The following WNT9B variants were observed in gnomAD, a reference collection of about 807,000 sequenced individuals.
The protein encoded by WNT9B is protein Wnt-9b.
WNT9B carries 12 observed loss-of-function variants against 30.2 expected under a neutral mutation model. The observed-to-expected ratio is 0.40, with a 90% confidence interval of 0.26 to 0.64. WNT9B has a LOEUF of 0.64. Ranked by LOEUF, WNT9B falls within the 30% of genes least tolerant of loss-of-function variation. WNT9B has a pLI of 0.42. For synonymous variants in WNT9B, 218 were observed against 216.9 expected, an observed-to-expected ratio of 1.01 and a Z score of -0.05; for missense variants, 442 against 485.2, an observed-to-expected ratio of 0.91 and a Z score of 0.84.
intron 1 of WNT9B, among the ~76,000 whole-genome samples, chr17:46,861,567 G>A (rs1177315577): frequency 6.6e-6 from 1 of 152,164 alleles, no homozygotes; most frequent in Non-Finnish European, 1.5e-5. Flanking sequence ...AGAGAGCAGA[G>A]ACTTATCCCC....
intron 1 of WNT9B, among the ~76,000 whole-genome samples, chr17:46,868,465 A>G (rs2085179580): frequency 6.6e-6 from 1 of 152,108 alleles, no homozygotes; most frequent in Non-Finnish European, 1.5e-5. Flanking sequence ...GCGTGGTGGC[A>G]CGTGCCCATA....
At chr17:46,866,217 C>T (rs12449290) in intron 1 of WNT9B, among the ~76,000 whole-genome samples, 1,842 of 152,176 alleles carry the variant, frequency 0.012, 33 homozygotes, top group African/African-American at 0.041. Flanking sequence ...TGGTGTTGAG[C>T]AGCCACCCTC....
At chr17:46,884,680 G>A (rs541995337), downstream of WNT9B, among the ~76,000 whole-genome samples, 41 of 152,270 alleles carry the variant, frequency 2.7e-4, no homozygotes, top group Admixed American at 7.8e-4. Flanking sequence ...TTATGACAAC[G>A]CTCCAAGTTG....
At chr17:46,882,484 G>A (rs2085436110), downstream of WNT9B, among the ~76,000 whole-genome samples, 2 of 152,160 alleles carry the variant, frequency 1.3e-5, no homozygotes, top group African/African-American at 4.8e-5. Flanking sequence ...TGCCCAGGCT[G>A]GAGTGCAGTG....
downstream of WNT9B, among the ~76,000 whole-genome samples, chr17:46,883,495 G>C (rs1292480745): frequency 2.6e-5 from 4 of 151,804 alleles, no homozygotes; most frequent in African/African-American, 9.7e-5. Context: ...ATGTTGGCCA[G>C]GCTGGTCTTG....
At chr17:46,835,496 C>A (rs1373755279) in intron 1 of WNT9B, among the ~76,000 whole-genome samples, 1 of 152,200 alleles carries the variant, frequency 6.6e-6, no homozygotes, top group Non-Finnish European at 1.5e-5. Context: ...CAGGCATGAG[C>A]CACCACGCCC....
At chr17:46,858,497 T>G (rs888016406) in intron 1 of WNT9B, among the ~76,000 whole-genome samples, 2 of 151,682 alleles carry the variant, frequency 1.3e-5, no homozygotes, top group African/African-American at 4.9e-5. Flanking sequence ...TTTATTTTAT[T>G]TTTTGGAGAA....
At chr17:46,869,722 G>A (rs2085204927) in intron 1 of WNT9B, among the ~76,000 whole-genome samples, 1 of 152,174 alleles carries the variant, frequency 6.6e-6, no homozygotes, top group South Asian at 2.1e-4. Flanking sequence ...GCTTGGGCAG[G>A]GTGCAGTGGC....
chr17:46,883,300 G>A (rs577487350), downstream of WNT9B, among the ~76,000 whole-genome samples: 408 of 129,910 alleles, frequency 3.1e-3, no homozygotes, highest in Non-Finnish European at 5.3e-3. Flanking sequence ...TTTTTCCTTT[G>A]TGAGATGGAG....
At chr17:46,864,599 C>T (rs577072426) in intron 1 of WNT9B, among the ~76,000 whole-genome samples, 1 of 152,292 alleles carries the variant, frequency 6.6e-6, no homozygotes, top group South Asian at 2.1e-4. Flanking sequence ...TCAGAGGAGT[C>T]CTGACCAGGT....
At chr17:46,844,476 A>G (rs976646599) in intron 1 of WNT9B, among the ~76,000 whole-genome samples, 3 of 152,146 alleles carry the variant, frequency 2.0e-5, no homozygotes, top group Non-Finnish European at 4.4e-5. Flanking sequence ...CAGTCAGGAC[A>G]CAGTTAATGA....
chr17:46,837,655 G>A (rs1464755067), intron 1 of WNT9B, among the ~76,000 whole-genome samples: 1 of 152,212 alleles, frequency 6.6e-6, no homozygotes. Context: ...AAAGGACTGA[G>A]GCTGGGAACA....
chr17:46,838,917 G>A (rs919876841), intron 1 of WNT9B, among the ~76,000 whole-genome samples: 10 of 151,994 alleles, frequency 6.6e-5, no homozygotes, highest in South Asian at 2.1e-4. Flanking sequence ...GCACTCTGTC[G>A]CCCAGGCTGG....
Position 46,872,690 on chromosome 17 carries a change from T to G in WNT9B, c.251T>G (p.Leu84Arg). The change falls in exon 2 of 4, where the codon CTC becomes CGC. Residue 84 changes from leucine (L) to arginine (R), a missense_variant. Physicochemically the swap from Leu to Arg is moderately radical, Grantham distance 102. Coordinates refer to ENST00000290015, the MANE Select transcript of WNT9B (RefSeq NM_003396.3). ...GAGACCCTGAGGGATGCTGCGCACC[T>G]CGGCCTGCTTGAGTGCCAGTTTCAG... ...LAETLRDAAH[L>R]GLLECQFQFR... 1 of 1,613,384 alleles carries G rather than the reference T, an allele frequency of 6.2e-7. No individual in the cohort carries two copies. Among genetic ancestry groups the G allele is most frequent in the East Asian group, 2.2e-5 (1 of 44,840 alleles).
rs182507107 is a variant in WNT9B at position 46,838,971 on chromosome 17, G to A, written c.95+5531G>A. Among the ~76,000 whole-genome samples, 100 of 152,060 alleles carry A rather than the reference G, an allele frequency of 6.6e-4. 1 individual carries two copies. In the Middle Eastern group the frequency reaches 0.01, roughly 16 times the overall value. ...TGGCTCACTGCAACCTCTTCCTCCC[G>A]GGTTCAAGCCATTCTCCTGCCTCAG... On this transcript the variant is annotated intron_variant, in intron 1 of 2. Transcript: ENST00000575372.
At chr17:46,873,086 T>TCACACACACACACA (rs61118325) in intron 2 of WNT9B, among the ~76,000 whole-genome samples, 13 of 139,820 alleles carry the variant, frequency 9.3e-5, no homozygotes, top group East Asian at 2.2e-4. Context: ...CTCTGCCTCT[T>TCACACACACACACA]CACACACACA....
upstream of WNT9B, among the ~76,000 whole-genome samples, chr17:46,850,396 G>A (rs1433136774): frequency 1.3e-5 from 2 of 152,090 alleles, no homozygotes; most frequent in Non-Finnish European, 2.9e-5. Context: ...AAGAGGTGGG[G>A]GCTTCCTCTG....
chr17:46,849,079 C>T (rs997413867), upstream of WNT9B, among the ~76,000 whole-genome samples: 1 of 152,210 alleles, frequency 6.6e-6, no homozygotes, highest in African/African-American at 2.4e-5. Flanking sequence ...CATGGGCAAG[C>T]TGGAAGGCAC....
chr17:46,851,412 G>A (rs1394547401), upstream of WNT9B, among the ~76,000 whole-genome samples: 1 of 151,352 alleles, frequency 6.6e-6, no homozygotes, highest in Non-Finnish European at 1.5e-5. The surrounding 1 kb of genome is among the most constrained non-coding windows in gnomAD (Gnocchi z 4.3). Flanking sequence ...GAGGGGCGGG[G>A]GCGGTCCAGG....
Sources: allele counts gnomAD v4.1 joint callset (sites outside exome capture counted in the v4.1 genomes callset), GRCh38; gene constraint gnomAD v4.1.1; non-coding constraint Gnocchi (gnomAD v3.1); transcripts MANE v1.5; gene names NCBI Gene and HGNC (gene_info 2026-07-23, HGNC 2026-07-21).